Variants in ZNF723 observed in about 807,000 individuals in gnomAD.
ZNF723 encodes the protein zinc finger protein 723.
A neutral mutation model predicts 9.4 loss-of-function variants in ZNF723; 5 were observed. The ratio of observed to expected loss-of-function variants is 0.53; its 90% CI spans 0.28 to 1.12. The LOEUF is 1.12. Ranked by LOEUF, ZNF723 falls within the 50% of genes most tolerant of loss-of-function variation. The probability of loss-of-function intolerance (pLI) is 0.10; values close to 1 mark genes in which losing one functional copy is unlikely to be tolerated. For synonymous variants in ZNF723, 158 were observed against 168.8 expected, an observed-to-expected ratio of 0.94 and a Z score of 0.49; for missense variants, 450 against 501.5, an observed-to-expected ratio of 0.90 and a Z score of 0.98.
intron 3 of ZNF723, among the ~76,000 whole-genome samples, chr19:22,855,328 A>G (rs1450205739): frequency 1.3e-5 from 2 of 151,034 alleles, no homozygotes; most frequent in African/African-American, 4.9e-5. Flanking sequence ...TCCCGGGTTC[A>G]AGTGATTCTC....
chr19:22,834,365 A>C (rs1967139808), intron 1 of ZNF723, among the ~76,000 whole-genome samples: 1 of 152,180 alleles, frequency 6.6e-6, no homozygotes, highest in South Asian at 2.1e-4. Context: ...ACTGTAAATA[A>C]ATCTTTGTGT....
At chr19:22,832,415 G>A in intron 1 of ZNF723, 33 bp downstream of exon 1, 2 of 1,363,532 alleles carry the variant, frequency 1.5e-6, no homozygotes, top group Non-Finnish European at 2.1e-6. Context: ...CCCGAGAGAG[G>A]GGAAGGGCTG....
At chr19:22,838,701 A>G (rs1201763002) in intron 1 of ZNF723, among the ~76,000 whole-genome samples, 1 of 151,778 alleles carries the variant, frequency 6.6e-6, no homozygotes. Context: ...TTTATATACT[A>G]TATTTTTCTT....
intron 1 of ZNF723, among the ~76,000 whole-genome samples, chr19:22,846,866 C>T (rs1164298381): frequency 4.4e-5 from 5 of 114,128 alleles, no homozygotes; most frequent in South Asian, 5.8e-4. Context: ...CTCTTGATGC[C>T]GTGCTGGGAT....
At chr19:22,838,402 A>G (rs980816218) in intron 1 of ZNF723, among the ~76,000 whole-genome samples, 1 of 152,034 alleles carries the variant, frequency 6.6e-6, no homozygotes, top group African/African-American at 2.4e-5. Context: ...AAACACAAAA[A>G]TTAGCCGGGC....
rs1471634991 is a variant in ZNF723, at chr19:22,858,664, G to T, written c.*231G>T. ...GCCTGTAATCCCAGCTAGTTGGGAG[G>T]CTGAGGCAGGAGAATCGCTTGAACC... On this transcript the variant is annotated 3_prime_UTR_variant, in exon 4 of 4. Transcript: ENST00000600766. 4 of 318,226 alleles carry T rather than the reference G, an allele frequency of 1.3e-5. No homozygotes were observed. Among genetic ancestry groups the T allele is most frequent in the Non-Finnish European group, 2.3e-5 (4 of 176,836 alleles). The allele number at this position is 318,226 out of a possible 1,614,324, so 19.7% of individuals were successfully genotyped here.
At chr19:22,828,638 C>T (rs944786889), upstream of ZNF723, among the ~76,000 whole-genome samples, 1 of 151,584 alleles carries the variant, frequency 6.6e-6, no homozygotes, top group Admixed American at 6.6e-5. Context: ...GGTGACAGAG[C>T]GAGACTCCCT....
rs1967268176 is a variant in ZNF723, at chr19:22,842,976, C to T, written c.4-5285C>T. Among the ~76,000 whole-genome samples the T allele has an allele frequency of 2.6e-5, 4 of 152,110 alleles. No homozygotes were observed. In the South Asian group the frequency reaches 8.3e-4, roughly 32 times the overall value. On this transcript the variant is annotated intron_variant, in intron 1 of 3. Transcript: ENST00000600766. ...ACCTGCTACAGTTATGTGAGGGCCA[C>T]CAGGTATAAATAGAATCTGATGGCA...
At chr19:22,815,729 G>C in the ZNF723 span, among the ~76,000 whole-genome samples, 20 of 152,088 alleles carry the variant, frequency 1.3e-4, no homozygotes, top group Non-Finnish European at 2.8e-4. Context: ...TAAGATCATG[G>C]GTCTCCTCTT....
the ZNF723 span, among the ~76,000 whole-genome samples, chr19:22,816,705 T>C: frequency 1.3e-5 from 2 of 152,358 alleles, no homozygotes; most frequent in Non-Finnish European, 1.5e-5. Flanking sequence ...TACACTCTTG[T>C]CTTGGTTCTG....
At chr19:22,820,960 A>G in the ZNF723 span, among the ~76,000 whole-genome samples, 296 of 152,298 alleles carry the variant, frequency 1.9e-3, no homozygotes, top group African/African-American at 6.8e-3. Flanking sequence ...GAGGTAGTCA[A>G]AAGTTGGAAT....
chr19:22,846,822 T>A (rs1466443980), intron 1 of ZNF723, among the ~76,000 whole-genome samples: 2 of 135,768 alleles, frequency 1.5e-5, no homozygotes, highest in African/African-American at 5.6e-5. Flanking sequence ...CCTTTTTTTT[T>A]TTTTTTTTTT....
chr19:22,827,619 T>C (rs1967051601), upstream of ZNF723, among the ~76,000 whole-genome samples: 1 of 152,024 alleles, frequency 6.6e-6, no homozygotes, highest in Non-Finnish European at 1.5e-5. Flanking sequence ...GGTTAATTTT[T>C]AGTATTTTTA....
At chr19:22,841,421 G>A (rs1234685466) in intron 1 of ZNF723, among the ~76,000 whole-genome samples, 4 of 152,260 alleles carry the variant, frequency 2.6e-5, no homozygotes, top group South Asian at 2.1e-4. Context: ...ACTGTGATGC[G>A]TGTCACATTC....
At chr19:22,838,617 G>T (rs1967199776) in intron 1 of ZNF723, among the ~76,000 whole-genome samples, 1 of 151,922 alleles carries the variant, frequency 6.6e-6, no homozygotes, top group Non-Finnish European at 1.5e-5. Context: ...AGGATAATGG[G>T]TCATAGTTTC....
intron 1 of ZNF723, among the ~76,000 whole-genome samples, chr19:22,835,786 T>A (rs1041851387): frequency 8.5e-5 from 13 of 152,218 alleles, no homozygotes; most frequent in Non-Finnish European, 1.8e-4. Flanking sequence ...CAGTGAATAT[T>A]TTTGTTCTAT....
intron 3 of ZNF723, among the ~76,000 whole-genome samples, chr19:22,856,681 G>A (rs1182674951): frequency 6.6e-6 from 1 of 152,158 alleles, no homozygotes; most frequent in Non-Finnish European, 1.5e-5. Context: ...TATATGACCA[G>A]TTATTTTAGC....
intron 1 of ZNF723, among the ~76,000 whole-genome samples, chr19:22,845,531 G>A (rs892574432): frequency 4.0e-5 from 6 of 151,760 alleles, no homozygotes; most frequent in African/African-American, 1.5e-4. Flanking sequence ...GTGATTATAG[G>A]GCCTGTTCTG....
chr19:22,837,140 A>G (rs989540702), intron 1 of ZNF723, among the ~76,000 whole-genome samples: 1 of 152,082 alleles, frequency 6.6e-6, no homozygotes, highest in Non-Finnish European at 1.5e-5. Context: ...TAAAAATACA[A>G]AAATTAGCTG....
Sources: allele counts gnomAD v4.1 joint callset (sites outside exome capture counted in the v4.1 genomes callset), GRCh38; gene constraint gnomAD v4.1.1; transcripts MANE v1.5; gene names NCBI Gene and HGNC (gene_info 2026-07-23, HGNC 2026-07-21).